The following CPZ variants were observed in gnomAD, a reference collection of about 807,000 sequenced individuals.
The protein encoded by CPZ is VEZT/CPZ fusion.
CPZ carries 103 observed loss-of-function variants against 61.8 expected under a neutral mutation model. The observed-to-expected ratio is 1.67, with a 90% confidence interval of 1.42 to 1.96. The LOEUF (loss-of-function observed/expected upper bound fraction) is 1.96. Among genes scored for constraint, CPZ ranks in the 30% most tolerant of loss-of-function variants. The pLI is 0.00. For missense variants in CPZ, 1,461 were observed against 914.9 expected (o/e 1.60, Z -7.70); for synonymous variants, 551 against 373.7 (o/e 1.47, Z -5.47).
intron 2 of CPZ, chr4:8,599,863 C>A (rs559952027): frequency 2.0e-5 from 5 of 254,144 alleles, no homozygotes; most frequent in South Asian, 1.7e-4. Flanking sequence ...GTCACCTCCC[C>A]CGCCAGGCCC....
At chr4:8,606,595 G>C in intron 5 of CPZ, 142 bp from the exon 6 acceptor site, 1 of 1,064,572 alleles carries the variant, frequency 9.4e-7, no homozygotes, top group Non-Finnish European at 1.4e-6. Flanking sequence ...CCAAGGGTCA[G>C]GCATGCCCCC....
At chr4:8,615,749 G>C (rs1029814903) in intron 9 of CPZ, among the ~76,000 whole-genome samples, 11 of 152,188 alleles carry the variant, frequency 7.2e-5, no homozygotes, top group African/African-American at 2.7e-4. Context: ...GTGTCGCCCA[G>C]ATCTGCTTCT....
In CPZ at chr4:8,604,003, CCTCAGGG is replaced by C. The variant is rs1399133324; in HGVS notation, c.527_533del (p.Ser176CysfsTer20). 6.2e-7 allele frequency: 1 copy of C among 1,612,044 alleles called. No individual in the cohort carries two copies. Among genetic ancestry groups the C allele is most frequent in the Admixed American group, 1.7e-5 (1 of 59,998 alleles). On this transcript the variant is annotated frameshift_variant, in exon 4 of 11. Transcript: ENST00000360986. LOFTEE classifies it high-confidence loss of function. ...GGCCTGGAGGCTGACGAGGCACTGC[CCTCAGGG>C]CTGCCGCCCACCTTCATCCGCTTCA...
At chr4:8,614,529 C>T in intron 9 of CPZ, 31 bp downstream of exon 9, 1 of 1,606,102 alleles carries the variant, frequency 6.2e-7, no homozygotes, top group Non-Finnish European at 8.5e-7. Context: ...GGCTCTGGTC[C>T]AGCTGTGGCC....
chr4:8,603,883 G>A, intron 3 of CPZ, 93 bp from the exon 4 acceptor site: 1 of 1,058,538 alleles, frequency 9.4e-7, no homozygotes, highest in Non-Finnish European at 1.4e-6. Context: ...CGTGCAGAGG[G>A]GACTAAGGGT....
In CPZ at chr4:8,606,178, C is replaced by T. The variant is rs1464834750; in HGVS notation, c.899C>T (p.Ala300Val). The T allele has an allele frequency of 3.7e-6, 6 of 1,613,478 alleles. No homozygotes were observed. The highest frequency in any genetic ancestry group is 5.1e-6 in the Non-Finnish European group (6 of 1,179,720). ...SMNPDGYEVAAAEGAGYNGWT... is the reference protein window; with the variant it reads ...SMNPDGYEVAVAEGAGYNGWT... ...AACCCTGACGGCTATGAGGTGGCAGCTGCCGAGGTGAGCGCCCAGATGCCT... is the reference window on the plus strand; with the variant it reads ...AACCCTGACGGCTATGAGGTGGCAGTTGCCGAGGTGAGCGCCCAGATGCCT... Residue 300 changes from alanine to valine, a missense_variant, in exon 5 of 11, where the codon GCT (alanine) becomes GTT (valine). Physicochemically the swap from Ala to Val is moderately conservative, Grantham distance 64. Transcript: ENST00000360986.
rs755140441 is a variant in CPZ, at chr4:8,601,231, C to T, written c.230C>T (p.Ser77Phe). 3.4e-5 allele frequency: 55 copies of T among 1,613,318 alleles called. No individual in the cohort carries two copies. The highest frequency in any genetic ancestry group is 4.3e-5 in the Non-Finnish European group (51 of 1,179,920). The change falls in exon 3 of 11, where the codon TCC (serine) becomes TTC (phenylalanine). Residue 77 changes from serine to phenylalanine, a missense_variant. Transcript: ENST00000360986. ...TCGTGGGAGGTGGTGGAGGCCAGCT[C>T]CGAGTACATCCTGCTGAGCGTTCTA... ...HRSWEVVEAS[S>F]EYILLSVLHQ... is the part of the protein sequence containing the mutation.
At chr4:8,617,964 C>T (rs183034530) in intron 9 of CPZ, 15 of 188,028 alleles carry the variant, frequency 8.0e-5, no homozygotes, top group East Asian at 4.1e-4. Context: ...GTGTTATACA[C>T]GTGTACGATG....
At chr4:8,610,999 C>T (rs1715611030) in intron 7 of CPZ, among the ~76,000 whole-genome samples, 1 of 89,130 alleles carries the variant, frequency 1.1e-5, no homozygotes, top group Admixed American at 1.1e-4. Flanking sequence ...CACTCTTTCA[C>T]TCATTCACTC....
intron 8 of CPZ, among the ~76,000 whole-genome samples, chr4:8,612,366 AGG>A (rs1715785385): frequency 1.1e-4 from 3 of 28,394 alleles, no homozygotes; most frequent in African/African-American, 8.6e-4. Context: ...ACTGTTGTGG[AGG>A]ACCCAGGCCC....
intron 10 of CPZ, among the ~76,000 whole-genome samples, chr4:8,618,992 G>T (rs964355474): frequency 4.0e-5 from 6 of 150,316 alleles, no homozygotes; most frequent in African/African-American, 1.5e-4. Context: ...AGAAGAGGGG[G>T]ACTTTTGCTA....
chr4:8,615,985 G>A lies in CPZ; in HGVS notation c.1503+1487G>A, dbSNP rs187125138. Among the ~76,000 whole-genome samples the A allele has an allele frequency of 2.2e-3, 335 of 152,328 alleles. 4 individuals carry two copies. The highest frequency in any genetic ancestry group is 7.6e-3 in the African/African-American group (317 of 41,576). ...GTCCCATTCTTCTATGAGCTCTCGC[G>A]CCAGGCCTGTGCACATTGCATTTTG... is the stretch of plus-strand genomic sequence containing the variant. On this transcript the variant is annotated intron_variant, in intron 9 of 10. Coordinates refer to ENST00000360986, the MANE Select transcript of CPZ (RefSeq NM_001014447.3).
At chr4:8,603,794 G>C (rs1315889634) in intron 3 of CPZ, 182 bp from the exon 4 acceptor site, 4 of 619,702 alleles carry the variant, frequency 6.5e-6, no homozygotes, top group Non-Finnish European at 8.7e-6. Flanking sequence ...CATACCTCAG[G>C]TGCCGTTTGG....
chr4:8,612,196 G>A (rs1236152454), intron 8 of CPZ, 34 bp downstream of exon 8: 3 of 378,590 alleles, frequency 7.9e-6, no homozygotes, highest in African/African-American at 2.2e-5. Context: ...TGGGCGGGGG[G>A]TGGGGGGTGC....
In CPZ at chr4:8,618,428, G is replaced by C. The variant is rs749895551; in HGVS notation, c.1504-1G>C. 1 of 1,614,082 alleles carries C rather than the reference G, an allele frequency of 6.2e-7. No homozygotes were observed. The highest frequency in any genetic ancestry group is 8.5e-7 in the Non-Finnish European group (1 of 1,179,984). On this transcript the variant is annotated splice_acceptor_variant, in intron 9 of 10. Transcript: ENST00000360986. LOFTEE classifies it high-confidence loss of function. ...CCCTGGCCTCCCCTTGGTCTCTTCAGGTGCACCGGGGCATCAAAGGTGTGG... is the reference window on the plus strand; with the variant it reads ...CCCTGGCCTCCCCTTGGTCTCTTCACGTGCACCGGGGCATCAAAGGTGTGG...
At position 8,612,135 on chromosome 4, in the gene CPZ, G is replaced by T; in HGVS notation, c.1336G>T (p.Gly446Trp). 1.9e-6 allele frequency: 3 copies of T among 1,601,424 alleles called. No individual in the cohort carries two copies. The highest frequency in any genetic ancestry group is 2.6e-6 in the Non-Finnish European group (3 of 1,174,902). The change falls in exon 8 of 11, where the codon GGG becomes TGG. Residue 446 changes from glycine (G) to tryptophan (W), a missense_variant. Physicochemically the swap from Gly to Trp is radical, Grantham distance 184 (BLOSUM62 -2). Coordinates refer to ENST00000360986, the MANE Select transcript of CPZ (RefSeq NM_001014447.3). ...NFLKRGSIIN[G>W]ADWYSFTGGM... ...CCTGAAGAGGGGGAGCATCATCAAC[G>T]GGGCGGACTGGTACAGCTTCACGGG...
chr4:8,602,909 G>A (rs1379037572), intron 3 of CPZ: 1 of 152,334 alleles, frequency 6.6e-6, no homozygotes, highest in African/African-American at 2.4e-5. Context: ...CGGTAGGGGG[G>A]GTGCCCTTTG....
chr4:8,608,333 G>A (rs1447045218), intron 7 of CPZ, among the ~76,000 whole-genome samples: 1 of 152,188 alleles, frequency 6.6e-6, no homozygotes, highest in Non-Finnish European at 1.5e-5. Flanking sequence ...TTGGTGTTTG[G>A]GGGAAGGAGC....
intron 1 of CPZ, among the ~76,000 whole-genome samples, chr4:8,596,254 G>A (rs1436871092): frequency 1.3e-5 from 2 of 152,322 alleles, no homozygotes; most frequent in Admixed American, 6.5e-5. Flanking sequence ...GTTTCACCAT[G>A]TTGGCCAGGC....
Sources: gnomAD v4.1 joint callset for allele counts (sites outside exome capture counted in the v4.1 genomes callset) on GRCh38, gnomAD v4.1.1 for gene constraint, MANE v1.5 for transcripts, NCBI Gene and HGNC (gene_info 2026-07-23, HGNC 2026-07-21) for gene names.